Variants in PTPRD observed in about 807,000 individuals in gnomAD.
PTPRD encodes the protein receptor-type tyrosine-protein phosphatase delta.
In PTPRD, 34 loss-of-function variants were observed where a neutral mutation model predicts 214.5. The observed-to-expected ratio is 0.16, with a 90% confidence interval of 0.12 to 0.21. The LOEUF (loss-of-function observed/expected upper bound fraction) is 0.21. PTPRD is among the 10% of genes least tolerant of loss of function. PTPRD has a pLI of 1.00. For synonymous variants in PTPRD, 1,128 were observed against 845.7 expected, an observed-to-expected ratio of 1.33 and a Z score of -5.79; for missense variants, 2,545 against 2,398.7, an observed-to-expected ratio of 1.06 and a Z score of -1.27.
intron 12 of PTPRD, among the ~76,000 whole-genome samples, chr9:8,662,001 T>G (rs1433438390): frequency 6.6e-6 from 1 of 152,134 alleles, no homozygotes; most frequent in Non-Finnish European, 1.5e-5. Context: ...AGGCTGGTCT[T>G]AAACCTCCGG....
chr9:9,642,482 G>T (rs916073137), intron 7 of PTPRD, among the ~76,000 whole-genome samples: 1 of 152,148 alleles, frequency 6.6e-6, no homozygotes, highest in Non-Finnish European at 1.5e-5. Flanking sequence ...ATATAGCTTA[G>T]AAGGTATATA....
chr9:10,299,249 G>C (rs2095788908), intron 3 of PTPRD, among the ~76,000 whole-genome samples: 1 of 152,026 alleles, frequency 6.6e-6, no homozygotes, highest in Admixed American at 6.6e-5. Context: ...TAATCATTGA[G>C]AACTTATTAA....
intron 9 of PTPRD, among the ~76,000 whole-genome samples, chr9:9,342,126 G>A (rs2047042870): frequency 1.3e-5 from 2 of 152,048 alleles, no homozygotes. Flanking sequence ...TAAGAGAAAA[G>A]TTTTTCAGTA....
At chr9:9,812,115 A>T (rs2153544460) in intron 5 of PTPRD, among the ~76,000 whole-genome samples, 1 of 139,126 alleles carries the variant, frequency 7.2e-6, no homozygotes, top group South Asian at 2.3e-4. Flanking sequence ...GCAACAAGTT[A>T]ATTTTTAATG....
At chr9:10,275,546 G>C (rs2094631569) in intron 3 of PTPRD, among the ~76,000 whole-genome samples, 2 of 152,064 alleles carry the variant, frequency 1.3e-5, no homozygotes, top group Admixed American at 1.3e-4. Flanking sequence ...GTTGATCATA[G>C]ATAGTGTTAT....
At chr9:10,529,310 G>C (rs1414665433) in intron 2 of PTPRD, among the ~76,000 whole-genome samples, 1 of 151,990 alleles carries the variant, frequency 6.6e-6, no homozygotes, top group African/African-American at 2.4e-5. Flanking sequence ...CAAAGACTTG[G>C]AACCAACCCA....
At chr9:9,779,854 C>G (rs1177907792) in intron 5 of PTPRD, among the ~76,000 whole-genome samples, 1 of 152,158 alleles carries the variant, frequency 6.6e-6, no homozygotes. Context: ...TTGGAGGTTT[C>G]TCAAAAAACT....
At chr9:10,216,868 C>G (rs1177821245) in intron 3 of PTPRD, among the ~76,000 whole-genome samples, 1 of 151,974 alleles carries the variant, frequency 6.6e-6, no homozygotes, top group African/African-American at 2.4e-5. Context: ...GGATAGGAGT[C>G]TTTCATATAT....
chr9:10,464,907 A>G (rs1478001886), intron 2 of PTPRD, among the ~76,000 whole-genome samples: 1 of 152,198 alleles, frequency 6.6e-6, no homozygotes, highest in Non-Finnish European at 1.5e-5. Flanking sequence ...AAATAGTCAT[A>G]TAGCCTAAAA....
chr9:9,095,934 A>G (rs181050751), intron 10 of PTPRD, among the ~76,000 whole-genome samples: 8 of 152,308 alleles, frequency 5.3e-5, no homozygotes, highest in Admixed American at 5.2e-4. Flanking sequence ...AAAGAACGAG[A>G]TCTTGCCATT....
intron 11 of PTPRD, among the ~76,000 whole-genome samples, chr9:8,811,107 G>A (rs2096793420): frequency 6.6e-6 from 1 of 152,076 alleles, no homozygotes; most frequent in South Asian, 2.1e-4. Flanking sequence ...CTGACTTACG[G>A]CACAAAAAGC....
chr9:9,037,942 A>T (rs1590241700), intron 10 of PTPRD, among the ~76,000 whole-genome samples: 1 of 152,188 alleles, frequency 6.6e-6, no homozygotes, highest in East Asian at 1.9e-4. Flanking sequence ...CAACTCTGGG[A>T]AAACTAATTA....
rs1174146086 is a variant in PTPRD, at chr9:8,471,132, A to G, written c.3414-47T>C. On this transcript the variant is annotated intron_variant, in intron 30 of 45. Coordinates refer to ENST00000381196, the MANE Select transcript of PTPRD (RefSeq NM_002839.4). ...AAAGTTAGGTTAGTTGAAAGGAGGAAAACGTGGATATACCCTTAAACCTTC... is the reference window on the plus strand; with the variant it reads ...AAAGTTAGGTTAGTTGAAAGGAGGAGAACGTGGATATACCCTTAAACCTTC... 3 of 1,507,912 alleles carry G rather than the reference A, an allele frequency of 2.0e-6. No individual in the cohort carries two copies. In the South Asian group the frequency reaches 3.4e-5, roughly 17 times the overall value. The allele number at this position is 1,507,912 out of a possible 1,614,324, so 93.4% of individuals were successfully genotyped here.
At chr9:9,301,512 C>T (rs1955296233) in intron 9 of PTPRD, among the ~76,000 whole-genome samples, 2 of 151,846 alleles carry the variant, frequency 1.3e-5, no homozygotes, top group African/African-American at 4.8e-5. Context: ...TTTTGTGGTA[C>T]TGCATCAAGC....
At chr9:9,135,180 C>A (rs1345873972) in intron 10 of PTPRD, among the ~76,000 whole-genome samples, 2 of 152,192 alleles carry the variant, frequency 1.3e-5, no homozygotes, top group Admixed American at 6.5e-5. Context: ...ATTTGCAGAA[C>A]TGAGAGAGGA....
At chr9:8,358,904 G>C (rs1017588361) in intron 39 of PTPRD, among the ~76,000 whole-genome samples, 5 of 151,124 alleles carry the variant, frequency 3.3e-5, no homozygotes, top group Non-Finnish European at 7.4e-5. Flanking sequence ...TCAGGAGATC[G>C]AGACCATCCT....
At chr9:9,679,885 C>G (rs925097309) in intron 7 of PTPRD, among the ~76,000 whole-genome samples, 1 of 151,822 alleles carries the variant, frequency 6.6e-6, no homozygotes, top group Non-Finnish European at 1.5e-5. Context: ...GAATAAATAA[C>G]AGCACATTGG....
intron 11 of PTPRD, among the ~76,000 whole-genome samples, chr9:8,984,720 G>C (rs60039295): frequency 0.034 from 5,230 of 152,092 alleles, 155 homozygotes; most frequent in African/African-American, 0.074. Context: ...CTTTCTTCCT[G>C]GTCTTGGTCC....
intron 11 of PTPRD, among the ~76,000 whole-genome samples, chr9:8,891,289 A>G (rs1004501145): frequency 6.6e-6 from 1 of 151,608 alleles, no homozygotes; most frequent in Admixed American, 6.6e-5. Flanking sequence ...ACCCGCCACC[A>G]CGCCTGGCTA....
Sources: allele counts gnomAD v4.1 joint callset (sites outside exome capture counted in the v4.1 genomes callset), GRCh38; gene constraint gnomAD v4.1.1; transcripts MANE v1.5; gene names NCBI Gene and HGNC (gene_info 2026-07-23, HGNC 2026-07-21).